The following ARHGAP31 variants were observed in gnomAD, a reference collection of about 807,000 sequenced individuals.
ARHGAP31 encodes Rho GTPase activating protein 31.
In ARHGAP31, 34 loss-of-function variants were observed where a neutral mutation model predicts 113.9. The observed-to-expected ratio is 0.30, with a 90% CI of 0.23 to 0.40. The LOEUF (loss-of-function observed/expected upper bound fraction) is 0.40, where lower values mean the gene tolerates loss of function less well. ARHGAP31 is among the 10% of genes least tolerant of loss of function. ARHGAP31 has a pLI of 1.00. For synonymous variants in ARHGAP31, 650 were observed against 684.8 expected (o/e 0.95, Z 0.79); for missense variants, 1,548 against 1,767.1 (o/e 0.88, Z 2.22).
chr3:119,396,367 T>C (rs1198038517), intron 8 of ARHGAP31, among the ~76,000 whole-genome samples: 1 of 152,256 alleles, frequency 6.6e-6, no homozygotes, highest in African/African-American at 2.4e-5. Context: ...CACTGGCTTA[T>C]GATCTTATGA....
intron 1 of ARHGAP31, among the ~76,000 whole-genome samples, chr3:119,334,377 C>T (rs1008465042): frequency 4.6e-5 from 7 of 152,214 alleles, no homozygotes; most frequent in Non-Finnish European, 8.8e-5. Flanking sequence ...TTCAGACCCT[C>T]ACTGAGAACC....
At position 119,413,298 on chromosome 3, in the gene ARHGAP31, T is replaced by A. The variant is rs1469531962; in HGVS notation, c.1927-558T>A. 5.7e-4 allele frequency among the ~76,000 whole-genome samples: 75 copies of A among 132,222 alleles called. 1 individual carries two copies. Among genetic ancestry groups the A allele is most frequent in the African/African-American group, 2.1e-3 (72 of 34,588 alleles). 86.7% of individuals were successfully genotyped at this position (132,222 alleles called of 152,430 possible). ...CACCATTGCACTCCAGCCTGGATGA[T>A]AACGCGAGACTCTGTCTCAAAAAAA... On this transcript the variant is annotated intron_variant, in intron 11 of 11. Transcript: ENST00000264245.
chr3:119,324,237 AC>A (rs1303814391), intron 1 of ARHGAP31, among the ~76,000 whole-genome samples: 1 of 151,928 alleles, frequency 6.6e-6, no homozygotes, highest in East Asian at 1.9e-4. Flanking sequence ...CTCACTTCAA[AC>A]CCTCCTAGCC....
At chr3:119,349,642 C>G (rs2080093329) in intron 1 of ARHGAP31, among the ~76,000 whole-genome samples, 1 of 152,228 alleles carries the variant, frequency 6.6e-6, no homozygotes, top group Non-Finnish European at 1.5e-5. Flanking sequence ...TGGCAGGCAG[C>G]TGGATTGAAG....
At chr3:119,359,956 C>T (rs1029474974) in intron 1 of ARHGAP31, among the ~76,000 whole-genome samples, 6 of 152,072 alleles carry the variant, frequency 3.9e-5, no homozygotes, top group Non-Finnish European at 1.5e-5. Flanking sequence ...TACCCTCTTC[C>T]CTCAAGTATC....
At chr3:119,318,041 CTCTT>C (rs1576991032) in intron 1 of ARHGAP31, among the ~76,000 whole-genome samples, 1 of 151,432 alleles carries the variant, frequency 6.6e-6, no homozygotes, top group Non-Finnish European at 1.5e-5. Context: ...GGATCTTTCC[CTCTT>C]TCTATTTAAT....
rs2080794363 is a variant in ARHGAP31 at position 119,418,208 on chromosome 3, A to G, written c.*1944A>G. ...CACTGAGTGAGCAAGGCCTTTCATC[A>G]GTGTTTTGGCCTTCTCATTGGGTGA... On this transcript the variant is annotated 3_prime_UTR_variant, in exon 12 of 12. Transcript: ENST00000264245. The G allele has an allele frequency of 6.6e-6, 1 of 152,144 alleles. No individual in the cohort carries two copies. Among genetic ancestry groups the G allele is most frequent in the Non-Finnish European group, 1.5e-5 (1 of 68,028 alleles). The allele number at this position is 152,144 out of a possible 1,614,324, so 9.4% of individuals were successfully genotyped here.
chr3:119,325,568 C>T (rs1576994732), intron 1 of ARHGAP31, among the ~76,000 whole-genome samples: 1 of 148,918 alleles, frequency 6.7e-6, no homozygotes, highest in Non-Finnish European at 1.5e-5. Flanking sequence ...AGTCCCAGAG[C>T]CTTTGAACCA....
At chr3:119,318,603 C>G (rs546473028) in intron 1 of ARHGAP31, among the ~76,000 whole-genome samples, 71 of 152,184 alleles carry the variant, frequency 4.7e-4, no homozygotes, top group Non-Finnish European at 9.4e-4. Flanking sequence ...TAAGAAGGAA[C>G]AGTTCTCTCT....
At position 119,393,459 on chromosome 3, in the gene ARHGAP31, TC is replaced by T. The variant is rs1240752589; in HGVS notation, c.882-7del. 6.2e-7 allele frequency: 1 copy of T among 1,614,128 alleles called. No homozygotes were observed. The highest frequency in any genetic ancestry group is 8.5e-7 in the Non-Finnish European group (1 of 1,179,990). ...ACAAACTAACCCCTTATGCCTTGGT[TC>T]TTTTAGGCGAAAGCTCTCCAGTAAA... On this transcript the variant is annotated splice_polypyrimidine_tract_variant and splice_region_variant and intron_variant, in intron 7 of 11. Coordinates refer to ENST00000264245, the MANE Select transcript of ARHGAP31 (RefSeq NM_020754.4).
chr3:119,359,923 G>A (rs952722458), intron 1 of ARHGAP31, among the ~76,000 whole-genome samples: 2 of 151,900 alleles, frequency 1.3e-5, no homozygotes, highest in Non-Finnish European at 2.9e-5. Context: ...TTCCTGTGCA[G>A]TGTCTTGTCT....
At chr3:119,377,650 A>T (rs2080360762) in intron 3 of ARHGAP31, among the ~76,000 whole-genome samples, 1 of 152,050 alleles carries the variant, frequency 6.6e-6, no homozygotes. Context: ...TGTAACAAAG[A>T]CATAGCTATA....
chr3:119,379,265 C>T (rs1456020218), intron 3 of ARHGAP31, among the ~76,000 whole-genome samples: 1 of 152,114 alleles, frequency 6.6e-6, no homozygotes, highest in African/African-American at 2.4e-5. Flanking sequence ...TAAGTGCATT[C>T]TTGTAGTGTA....
intron 1 of ARHGAP31, among the ~76,000 whole-genome samples, chr3:119,335,643 C>G (rs1376743543): frequency 6.6e-6 from 1 of 152,182 alleles, no homozygotes; most frequent in African/African-American, 2.4e-5. Flanking sequence ...GGCAGCCACA[C>G]AGCAGTGGGG....
chr3:119,332,351 C>T (rs2107607636), intron 1 of ARHGAP31, among the ~76,000 whole-genome samples: 1 of 152,136 alleles, frequency 6.6e-6, no homozygotes, highest in East Asian at 1.9e-4. Context: ...AGGCGCCCGA[C>T]ACCATGCCTG....
chr3:119,397,203 C>T (rs899910365), intron 8 of ARHGAP31, among the ~76,000 whole-genome samples: 2 of 152,184 alleles, frequency 1.3e-5, no homozygotes. Flanking sequence ...GCAGGGAATG[C>T]TTGGGGACTG....
intron 6 of ARHGAP31, among the ~76,000 whole-genome samples, chr3:119,388,132 G>C (rs2080469171): frequency 6.6e-6 from 1 of 152,116 alleles, no homozygotes; most frequent in Non-Finnish European, 1.5e-5. Context: ...CCCCACTCTG[G>C]TGGGTACCAA....
chr3:119,303,865 G>A (rs1012980954), intron 1 of ARHGAP31, among the ~76,000 whole-genome samples: 10 of 151,866 alleles, frequency 6.6e-5, no homozygotes, highest in African/African-American at 2.4e-4. Flanking sequence ...TGCGATCTCG[G>A]CTCACTGCAA....
chr3:119,307,940 C>CAAAAA (rs71156742), intron 1 of ARHGAP31, among the ~76,000 whole-genome samples: 23,784 of 44,870 alleles, frequency 0.53, 8,378 homozygotes, highest in African/African-American at 0.59. Flanking sequence ...GAATTAACAG[C>CAAAAA]AAAAAAAAAA....
Sources: allele counts gnomAD v4.1 joint callset (sites outside exome capture counted in the v4.1 genomes callset), GRCh38; gene constraint gnomAD v4.1.1; transcripts MANE v1.5; gene names NCBI Gene and HGNC (gene_info 2026-07-23, HGNC 2026-07-21).